The following MCTP1 variants were observed in gnomAD, a reference collection of about 807,000 sequenced individuals.
MCTP1 encodes the protein multiple C2 and transmembrane domain-containing protein 1.
A neutral mutation model predicts 120.6 loss-of-function variants in MCTP1; 69 were observed. The ratio of observed to expected loss-of-function variants is 0.57; its 90% CI spans 0.47 to 0.70. The LOEUF (loss-of-function observed/expected upper bound fraction) is 0.70, where lower values mean the gene tolerates loss of function less well. Ranked by LOEUF, MCTP1 falls within the 30% of genes least tolerant of loss-of-function variation. The pLI, the probability that MCTP1 is intolerant of heterozygous loss-of-function variation, is 0.00. For missense variants in MCTP1, 1,203 were observed against 1,248.8 expected, an observed-to-expected ratio of 0.96 and a Z score of 0.55; for synonymous variants, 529 against 493.1, an observed-to-expected ratio of 1.07 and a Z score of -0.96.
At chr5:95,207,594 T>G (rs1317734315) in intron 1 of MCTP1, among the ~76,000 whole-genome samples, 4 of 152,168 alleles carry the variant, frequency 2.6e-5, no homozygotes, top group African/African-American at 9.6e-5. Flanking sequence ...ATGAGTGTTA[T>G]CAGAGTGAGA....
At chr5:94,780,164 T>C (rs575942631) in intron 18 of MCTP1, among the ~76,000 whole-genome samples, 2 of 152,022 alleles carry the variant, frequency 1.3e-5, no homozygotes, top group East Asian at 3.9e-4. Context: ...TGATCTTGTA[T>C]CTCTGAATAG....
intron 19 of MCTP1, among the ~76,000 whole-genome samples, chr5:94,760,840 A>T (rs945074009): frequency 6.6e-6 from 1 of 151,910 alleles, no homozygotes; most frequent in Non-Finnish European, 1.5e-5. Flanking sequence ...ATGTGCCACC[A>T]TGCCAGGCTA....
intron 17 of MCTP1, among the ~76,000 whole-genome samples, chr5:94,833,728 C>T (rs1789072822): frequency 6.6e-6 from 1 of 152,116 alleles, no homozygotes; most frequent in African/African-American, 2.4e-5. Context: ...GTATTAATAT[C>T]TTGCTGTTCA....
rs773278512 is a variant in MCTP1 at position 95,017,433 on chromosome 5, G to C, written c.772C>G (p.Pro258Ala). 283 of 1,610,636 alleles carry C rather than the reference G, an allele frequency of 1.8e-4. 1 individual carries two copies. In the Admixed American group the frequency reaches 4.7e-3, roughly 27 times the overall value. Residue 258 changes from proline (P) to alanine (A), a missense_variant, in exon 2 of 23, where the codon CCC (proline) becomes GCC (alanine). By Grantham distance (27) the Pro-to-Ala change is conservative. This residue lies in a region of MCTP1 where 463 missense variants were observed against 377.8 expected (regional missense o/e 1.23). Coordinates refer to ENST00000515393, the MANE Select transcript of MCTP1 (RefSeq NM_024717.7). ...GTAATGTCCAGCTGGTACATTCCGG[G>C]ATCAGCCAAGGGGACTTCTGCATTA... ...TSNAEVPLAD[P>A]GMYQLDITLR...
intron 10 of MCTP1, among the ~76,000 whole-genome samples, chr5:94,905,596 T>C (rs1468340977): frequency 6.6e-6 from 1 of 152,160 alleles, no homozygotes; most frequent in African/African-American, 2.4e-5. Context: ...ATTGATTTGA[T>C]GAGAGTGAGA....
At chr5:94,851,755 C>T (rs1288259492) in intron 17 of MCTP1, among the ~76,000 whole-genome samples, 1 of 151,980 alleles carries the variant, frequency 6.6e-6, no homozygotes, top group East Asian at 1.9e-4. Context: ...CGAGTTTATT[C>T]TGATTTATAG....
At chr5:94,823,787 T>C (rs1191893864) in intron 17 of MCTP1, among the ~76,000 whole-genome samples, 1 of 152,208 alleles carries the variant, frequency 6.6e-6, no homozygotes, top group Non-Finnish European at 1.5e-5. Flanking sequence ...TTCCTAGGTA[T>C]TTGATTCTCT....
intron 12 of MCTP1, among the ~76,000 whole-genome samples, chr5:94,874,760 G>A (rs559185371): frequency 1.4e-4 from 22 of 152,200 alleles, no homozygotes; most frequent in Middle Eastern, 3.4e-3. Context: ...ATTAAAACAC[G>A]TAGCAATAGG....
At chr5:95,124,934 G>T (rs1388163095) in intron 1 of MCTP1, among the ~76,000 whole-genome samples, 1 of 152,104 alleles carries the variant, frequency 6.6e-6, no homozygotes, top group Non-Finnish European at 1.5e-5. Flanking sequence ...GGACATCAAA[G>T]ATACCACTTC....
intron 18 of MCTP1, among the ~76,000 whole-genome samples, chr5:94,798,189 G>A (rs1172151671): frequency 9.2e-5 from 14 of 151,770 alleles, no homozygotes; most frequent in Admixed American, 8.5e-4. Context: ...GCTGTCTATT[G>A]AGTTACCAAA....
chr5:94,888,826 A>C, intron 12 of MCTP1, 53 bp downstream of exon 12: 4 of 1,069,724 alleles, frequency 3.7e-6, no homozygotes, highest in Non-Finnish European at 4.4e-6. Context: ...TAAATGGTGT[A>C]GACCTTGTGT....
In MCTP1 at chr5:94,929,504, A is replaced by G. The variant is rs966862176; in HGVS notation, c.1212+2449T>C. The G allele has an allele frequency of 1.1e-5, 4 of 354,948 alleles. No homozygotes were observed. The Admixed American group carries it at 1.9e-4, about 17-fold the overall frequency. 22.0% of individuals were successfully genotyped at this position (354,948 alleles called of 1,614,324 possible). ...AAAATTACACCCTATTTCCAAAAAT[A>G]AAAAACGAAAAATCTGTACTCAGAC... On this transcript the variant is annotated intron_variant, in intron 6 of 22. Transcript: ENST00000515393.
intron 8 of MCTP1, among the ~76,000 whole-genome samples, 163 bp from the exon 9 acceptor site, chr5:94,913,139 TAATA>T (rs1809202123): frequency 2.6e-5 from 4 of 151,920 alleles, no homozygotes. Context: ...ATTATAAAAT[TAATA>T]AATTATGAAA....
At chr5:95,274,864 C>A (rs903839594) in intron 1 of MCTP1, among the ~76,000 whole-genome samples, 1 of 152,084 alleles carries the variant, frequency 6.6e-6, no homozygotes, top group African/African-American at 2.4e-5. Flanking sequence ...ACCTCGTGAT[C>A]CGCCCGCCTC....
At chr5:95,161,432 G>A (rs1228452121) in intron 1 of MCTP1, among the ~76,000 whole-genome samples, 1 of 152,100 alleles carries the variant, frequency 6.6e-6, no homozygotes, top group African/African-American at 2.4e-5. Context: ...AGTTACCAGA[G>A]GCTGGGGGAA....
chr5:94,921,401 G>A (rs930794401), intron 7 of MCTP1, among the ~76,000 whole-genome samples: 21 of 152,174 alleles, frequency 1.4e-4, no homozygotes. Context: ...CTAGGATGTA[G>A]TTTCATTCAG....
At chr5:94,743,435 AAGAG>A (rs1766054201) in intron 19 of MCTP1, among the ~76,000 whole-genome samples, 2 of 152,244 alleles carry the variant, frequency 1.3e-5, no homozygotes, top group Admixed American at 1.3e-4. Context: ...AAGGTGAGAT[AAGAG>A]AGAAAGTGAA....
chr5:94,939,832 T>C lies in MCTP1; in HGVS notation c.1173+252A>G, dbSNP rs898501167. On this transcript the variant is annotated intron_variant, in intron 5 of 22. Coordinates refer to ENST00000515393, the MANE Select transcript of MCTP1 (RefSeq NM_024717.7). ...TGCCTATAATATAGCATGTCTGAAA[T>C]TGAGAAATAAAATAAAAATTCAAAT... Among the ~76,000 whole-genome samples the C allele has an allele frequency of 3.9e-5, 6 of 151,906 alleles. No homozygotes were observed. The South Asian group carries it at 8.3e-4, about 21-fold the overall frequency.
intron 7 of MCTP1, 89 bp from the exon 8 acceptor site, chr5:94,918,062 C>A: frequency 2.1e-6 from 2 of 954,768 alleles, no homozygotes; most frequent in East Asian, 2.5e-5. Flanking sequence ...AATTACTCTT[C>A]AGAAAACATT....
Sources: allele counts gnomAD v4.1 joint callset (sites outside exome capture counted in the v4.1 genomes callset), GRCh38; gene constraint gnomAD v4.1.1; regional missense constraint gnomAD v4.1.1; transcripts MANE v1.5; gene names NCBI Gene and HGNC (gene_info 2026-07-23, HGNC 2026-07-21).